The following MTERF4 variants were observed in gnomAD, a reference collection of about 807,000 sequenced individuals.
The protein encoded by MTERF4 is transcription termination factor 4, mitochondrial.
Under a neutral mutation model 22.5 loss-of-function variants are expected in MTERF4, and 17 were observed. The observed-to-expected ratio is 0.75, with a 90% CI of 0.52 to 1.13. The LOEUF is 1.13. MTERF4 is among the 50% of genes most tolerant of loss of function. MTERF4 has a pLI of 0.00. For synonymous variants in MTERF4, 165 were observed against 175.3 expected, an observed-to-expected ratio of 0.94 and a Z score of 0.47; for missense variants, 420 against 466.8, an observed-to-expected ratio of 0.90 and a Z score of 0.92.
At chr2:241,043,076 G>A in the MTERF4 span, among the ~76,000 whole-genome samples, 138 of 152,342 alleles carry the variant, frequency 9.1e-4, no homozygotes, top group African/African-American at 3.0e-3. Flanking sequence ...TGGAGTCTGC[G>A]AAGGAGGATG....
chr2:241,047,168 AAG>A, the MTERF4 span, among the ~76,000 whole-genome samples: 5 of 94,588 alleles, frequency 5.3e-5, no homozygotes, highest in African/African-American at 1.8e-4. Context: ...AAAAAAAAAA[AAG>A]TAAATTAGGT....
downstream of MTERF4, among the ~76,000 whole-genome samples, chr2:241,067,291 G>A (rs568867017): frequency 3.3e-5 from 5 of 152,342 alleles, no homozygotes; most frequent in African/African-American, 7.2e-5. Flanking sequence ...GGCGGGAAGC[G>A]GAGCTCACAA....
chr2:241,072,343 C>G, exon 5 of MTERF4: 1 of 388,438 alleles, frequency 2.6e-6, no homozygotes. Context: ...GCCCAGGTGC[C>G]TTGGGCCCTT....
In MTERF4 at chr2:241,099,814, C is replaced by T; in HGVS notation, c.102G>A (p.Arg34=). 6.2e-7 allele frequency: 1 copy of T among 1,614,140 alleles called. No individual in the cohort carries two copies. Among genetic ancestry groups the T allele is most frequent in the Non-Finnish European group, 8.5e-7 (1 of 1,180,044 alleles). ...RQTPHLGEQR[R]TTASLLRKLT... is the part of the protein sequence containing the mutation. Reference sequence around the variant, plus strand: ...GTTTGCGCAACAAAGAAGCTGTCGTCCTTCTCTGTTCTCCAAGATGAGGAG... The same window carrying T: ...GTTTGCGCAACAAAGAAGCTGTCGTTCTTCTCTGTTCTCCAAGATGAGGAG... The change falls in exon 2 of 4, where the codon AGG becomes AGA. Residue 34 remains arginine, a synonymous_variant. Transcript: ENST00000391980.
chr2:241,101,831 T>C (rs2064722782), intron 1 of MTERF4, among the ~76,000 whole-genome samples: 1 of 152,118 alleles, frequency 6.6e-6, no homozygotes, highest in African/African-American at 2.4e-5. Flanking sequence ...GGCGGGTGGA[T>C]CACCTGAGGC....
chr2:241,088,691 A>G (rs974229529), downstream of MTERF4: 33 of 440,922 alleles, frequency 7.5e-5, no homozygotes, highest in Admixed American at 4.4e-4. Context: ...TGTGGCCAAG[A>G]AACCCCTAGA....
chr2:241,053,211 G>T, the MTERF4 span: 1 of 1,609,314 alleles, frequency 6.2e-7, no homozygotes. Context: ...TCAACGGCAC[G>T]CGGCTGGGCG....
the MTERF4 span, chr2:241,049,874 A>G: frequency 1.9e-6 from 3 of 1,613,728 alleles, no homozygotes. Context: ...TGCGATGCCC[A>G]TGACGACTCC....
chr2:241,048,856 C>A, the MTERF4 span: 2 of 1,262,214 alleles, frequency 1.6e-6, no homozygotes, highest in Non-Finnish European at 2.2e-6. Flanking sequence ...TCCGTAGGTC[C>A]AGACTGTCGA....
chr2:241,073,118 C>A lies in MTERF4; in HGVS notation n.3044G>T. 1 of 612,294 alleles carries A rather than the reference C, an allele frequency of 1.6e-6. No individual in the cohort carries two copies. The highest frequency in any genetic ancestry group is 2.9e-6 in the Non-Finnish European group (1 of 348,108). 37.9% of individuals were successfully genotyped at this position (612,294 alleles called of 1,614,324 possible). On this transcript the variant is annotated non_coding_transcript_exon_variant, in exon 5 of 5. Transcript: ENST00000464344. This position sits in a 1 kb window ranked among gnomAD's most constrained non-coding sequence, Gnocchi z 6.6. ...CCTTCAGGGGAGGCAGCTCTGGGGC[C>A]GACAGGTGCTGGGGCCACGCAGGGA...
chr2:241,072,278 C>G (rs2062769421), exon 5 of MTERF4: 1 of 464,496 alleles, frequency 2.2e-6, no homozygotes, highest in Non-Finnish European at 4.3e-6. Context: ...TGTGGTCCGG[C>G]AAATCCTCCG....
chr2:241,071,724 C>CA, downstream of MTERF4: 2 of 1,319,756 alleles, frequency 1.5e-6, no homozygotes, highest in Non-Finnish European at 2.1e-6. Context: ...CCCCCAGGTA[C>CA]ATGCCCCACC....
At chr2:241,087,564 C>A, downstream of MTERF4, 1 of 1,489,822 alleles carries the variant, frequency 6.7e-7, no homozygotes, top group Non-Finnish European at 8.9e-7. Context: ...ATGCTGCAGG[C>A]CTGTGGGCTG....
the MTERF4 span, among the ~76,000 whole-genome samples, chr2:241,054,942 C>T: frequency 6.6e-6 from 1 of 152,126 alleles, no homozygotes; most frequent in Non-Finnish European, 1.5e-5. Flanking sequence ...CATAGTGAAA[C>T]TCCGTCCCTA....
chr2:241,081,678 C>T (rs372307971), intron 4 of MTERF4: 57 of 1,595,198 alleles, frequency 3.6e-5, no homozygotes, highest in African/African-American at 3.5e-4. Context: ...TGTTTCCAGA[C>T]GTCCCTGGCA....
intron 2 of MTERF4, among the ~76,000 whole-genome samples, chr2:241,097,963 G>A (rs898139946): frequency 1.3e-5 from 2 of 152,060 alleles, no homozygotes; most frequent in African/African-American, 4.8e-5. Context: ...CAATGCTGAC[G>A]TCCTGGTTAC....
At chr2:241,078,167 C>CTG (rs1553591214) in intron 4 of MTERF4, among the ~76,000 whole-genome samples, 4 of 150,698 alleles carry the variant, frequency 2.7e-5, no homozygotes, top group Non-Finnish European at 4.4e-5. Flanking sequence ...GGCAGATCAC[C>CTG]AGGTCAGGCG....
At chr2:241,086,163 G>T (rs541329565), downstream of MTERF4, among the ~76,000 whole-genome samples, 1 of 152,258 alleles carries the variant, frequency 6.6e-6, no homozygotes, top group Admixed American at 6.5e-5. Context: ...CACCGCACCT[G>T]GCCCTGTCTG....
At chr2:241,061,691 C>T in the MTERF4 span, among the ~76,000 whole-genome samples, 3 of 151,952 alleles carry the variant, frequency 2.0e-5, no homozygotes, top group Admixed American at 6.6e-5. Context: ...TCGAGACCAG[C>T]CTGGCCAACA....
Sources: gnomAD v4.1 joint callset for allele counts (sites outside exome capture counted in the v4.1 genomes callset) on GRCh38, gnomAD v4.1.1 for gene constraint, Gnocchi (gnomAD v3.1) non-coding constraint, MANE v1.5 for transcripts, NCBI Gene and HGNC (gene_info 2026-07-23, HGNC 2026-07-21) for gene names.